SLCO1A2: variants seen among roughly 807,000 people sequenced by gnomAD.
SLCO1A2 encodes the protein solute carrier organic anion transporter family member 1A2.
In SLCO1A2, 67 loss-of-function variants were observed where a neutral mutation model predicts 69.0. The ratio of observed to expected loss-of-function variants is 0.97; its 90% CI spans 0.80 to 1.19. The LOEUF (loss-of-function observed/expected upper bound fraction) is 1.19. SLCO1A2 is among the 50% of genes most tolerant of loss of function. The pLI, the probability that SLCO1A2 is intolerant of heterozygous loss-of-function variation, is 0.00. For missense variants in SLCO1A2, 787 were observed against 793.7 expected (o/e 0.99, Z 0.10); for synonymous variants, 260 against 265.9 (o/e 0.98, Z 0.22).
At chr12:21,307,866 A>G (rs969791111) in intron 4 of SLCO1A2, among the ~76,000 whole-genome samples, 3 of 152,168 alleles carry the variant, frequency 2.0e-5, no homozygotes, top group Non-Finnish European at 4.4e-5. Context: ...GGATATAATA[A>G]AAAGGCTCAA....
At chr12:21,303,637 C>T (rs1235171935) in intron 6 of SLCO1A2, among the ~76,000 whole-genome samples, 4 of 152,068 alleles carry the variant, frequency 2.6e-5, no homozygotes, top group South Asian at 4.1e-4. Context: ...ATAAGCAAGT[C>T]GTGCATAATA....
intron 1 of SLCO1A2, among the ~76,000 whole-genome samples, chr12:21,407,246 G>A (rs146150496): frequency 2.9e-4 from 44 of 152,262 alleles, no homozygotes; most frequent in African/African-American, 7.9e-4. Flanking sequence ...CCCTTCAAGC[G>A]TGGGGATCAG....
intron 12 of SLCO1A2, among the ~76,000 whole-genome samples, chr12:21,276,123 A>G (rs1361427163): frequency 6.6e-6 from 1 of 152,190 alleles, no homozygotes; most frequent in Non-Finnish European, 1.5e-5. Context: ...AGAGAATTTT[A>G]GAAGTCTCAG....
At position 21,319,619 on chromosome 12, in the gene SLCO1A2, A is replaced by G; in HGVS notation, c.61-696T>C. ...GAGGACCACACAAAAATGAGACTCC[A>G]TTTATTTTGGGAAGCTTTCCTGAAC... is the stretch of plus-strand genomic sequence containing the variant. On this transcript the variant is annotated intron_variant, in intron 2 of 14. Coordinates refer to ENST00000683939, the MANE Select transcript of SLCO1A2 (RefSeq NM_001386879.1). 6.5e-6 allele frequency: 3 copies of G among 461,072 alleles called. No individual in the cohort carries two copies. In the East Asian group the frequency reaches 2.1e-4, roughly 33 times the overall value. The allele number at this position is 461,072 out of a possible 1,614,324, so 28.6% of individuals were successfully genotyped here.
intron 1 of SLCO1A2, chr12:21,379,850 T>C (rs919255348): frequency 3.3e-5 from 5 of 152,182 alleles, no homozygotes; most frequent in Admixed American, 3.3e-4. Context: ...GGTTACCAAA[T>C]TGTAGAGGCT....
Position 21,275,424 on chromosome 12 carries a change from C to T in SLCO1A2, c.1611G>A (p.Arg537=). ...GGGACTTCTCTTCAGATTTCATACA[C>T]CTGAAAAGTAAATAAGTTTGTAAAT... ...AAIPGYMVLL[R]CMKSEEKSLG... Residue 537 remains arginine (R), a splice_region_variant and synonymous_variant, in exon 13 of 15, where the codon AGG becomes AGA. Transcript: ENST00000683939. The T allele has an allele frequency of 6.8e-7, 1 of 1,467,432 alleles. No individual in the cohort carries two copies. Among genetic ancestry groups the T allele is most frequent in the East Asian group, 2.3e-5 (1 of 42,612 alleles). 90.9% of individuals were successfully genotyped at this position (1,467,432 alleles called of 1,614,324 possible). A position where few individuals can be genotyped will look rare whatever the true frequency, so the allele number is the denominator to read the frequency against.
chr12:21,311,977 G>C (rs996234189), intron 4 of SLCO1A2, among the ~76,000 whole-genome samples: 3 of 151,180 alleles, frequency 2.0e-5, no homozygotes, highest in African/African-American at 7.3e-5. Flanking sequence ...AGAAGAAGGA[G>C]GAGGAGGAGG....
intron 2 of SLCO1A2, chr12:21,373,499 T>G: frequency 9.7e-7 from 1 of 1,034,810 alleles, no homozygotes; most frequent in Non-Finnish European, 1.5e-6. Flanking sequence ...AATTAAATAC[T>G]GTCAAATAAC....
intron 6 of SLCO1A2, 92 bp downstream of exon 6, chr12:21,304,335 G>T: frequency 9.6e-7 from 1 of 1,039,178 alleles, no homozygotes; most frequent in Non-Finnish European, 1.4e-6. Flanking sequence ...TCATCATTGT[G>T]GAAATCACTA....
intron 8 of SLCO1A2, among the ~76,000 whole-genome samples, chr12:21,298,086 C>T (rs149291811): frequency 5.3e-5 from 8 of 152,242 alleles, no homozygotes; most frequent in African/African-American, 1.9e-4. Context: ...TCTCAAGTAT[C>T]CGGAATTTTT....
At chr12:21,386,771 TGGAAGC>T (rs1351140048) in intron 1 of SLCO1A2, among the ~76,000 whole-genome samples, 3 of 151,966 alleles carry the variant, frequency 2.0e-5, no homozygotes, top group Non-Finnish European at 4.4e-5. Flanking sequence ...CCTAAAAATG[TGGAAGC>T]AACTTTGGAA....
At chr12:21,325,817 C>A (rs1390622761) in intron 2 of SLCO1A2, among the ~76,000 whole-genome samples, 1 of 152,152 alleles carries the variant, frequency 6.6e-6, no homozygotes, top group Non-Finnish European at 1.5e-5. Context: ...TCTCATTATT[C>A]TTTGTTAATT....
chr12:21,341,692 A>T (rs543586863), intron 2 of SLCO1A2, among the ~76,000 whole-genome samples: 75 of 152,186 alleles, frequency 4.9e-4, no homozygotes, highest in African/African-American at 1.7e-3. Flanking sequence ...TCCAGCGTTG[A>T]TTCCCAGAAC....
rs1203997869 is a variant in SLCO1A2, at chr12:21,269,430, G to C, written c.*118C>G. On this transcript the variant is annotated 3_prime_UTR_variant, in exon 15 of 15. Transcript: ENST00000683939. Reference sequence around the variant, plus strand: ...AACATTTTATTATTTTGAGTTAAGAGGTTTTTTAGGTTCTTAAAGACAAGA... The same window carrying C: ...AACATTTTATTATTTTGAGTTAAGACGTTTTTTAGGTTCTTAAAGACAAGA... 1.6e-6 allele frequency: 1 copy of C among 638,868 alleles called. No homozygotes were observed. The highest frequency in any genetic ancestry group is 2.6e-6 in the Non-Finnish European group (1 of 389,798). The allele number at this position is 638,868 out of a possible 1,614,324, so 39.6% of individuals were successfully genotyped here. A position where few individuals can be genotyped will look rare whatever the true frequency, so the allele number is the denominator to read the frequency against.
chr12:21,404,362 A>G (rs540327787), intron 1 of SLCO1A2, among the ~76,000 whole-genome samples: 1 of 152,214 alleles, frequency 6.6e-6, no homozygotes, highest in African/African-American at 2.4e-5. Context: ...CCCCACGTGC[A>G]TTAGCTATTT....
At chr12:21,418,978 T>A (rs1942034707), upstream of SLCO1A2, among the ~76,000 whole-genome samples, 1 of 152,174 alleles carries the variant, frequency 6.6e-6, no homozygotes, top group South Asian at 2.1e-4. Context: ...AAATACAATG[T>A]GTTCCAGCTC....
At chr12:21,351,113 G>A (rs1320061021) in intron 2 of SLCO1A2, among the ~76,000 whole-genome samples, 2 of 152,126 alleles carry the variant, frequency 1.3e-5, no homozygotes, top group East Asian at 3.9e-4. Flanking sequence ...ATAACATGGT[G>A]CCTAAATGTG....
At chr12:21,397,348 T>C (rs933348911), upstream of SLCO1A2, among the ~76,000 whole-genome samples, 163 of 152,220 alleles carry the variant, frequency 1.1e-3, no homozygotes, top group African/African-American at 3.7e-3. Flanking sequence ...GTGCACCCAA[T>C]ACAGGAGCAC....
intron 1 of SLCO1A2, chr12:21,379,451 G>T (rs1940445435): frequency 1.3e-5 from 2 of 152,122 alleles, no homozygotes; most frequent in Non-Finnish European, 2.9e-5. Context: ...TCTATTAATC[G>T]TGTCTTCAAT....
Sources: gnomAD v4.1 joint callset for allele counts (sites outside exome capture counted in the v4.1 genomes callset) on GRCh38, gnomAD v4.1.1 for gene constraint, MANE v1.5 for transcripts, NCBI Gene and HGNC (gene_info 2026-07-23, HGNC 2026-07-21) for gene names.